GSE1: variants seen among roughly 807,000 people sequenced by gnomAD.
GSE1 encodes Gse1 coiled-coil protein.
In GSE1, 32 loss-of-function variants were observed where a neutral mutation model predicts 112.6. The ratio of observed to expected loss-of-function variants is 0.28; its 90% CI spans 0.21 to 0.38. The LOEUF (loss-of-function observed/expected upper bound fraction) is 0.38. Among genes scored for constraint, GSE1 ranks in the 10% least tolerant of loss-of-function variants. The pLI is 1.00. For synonymous variants in GSE1, 1,115 were observed against 735.6 expected, an observed-to-expected ratio of 1.52 and a Z score of -8.35; for missense variants, 2,348 against 1,699.2, an observed-to-expected ratio of 1.38 and a Z score of -6.71.
chr16:85,484,948 T>C (rs759381317), intron 2 of GSE1, among the ~76,000 whole-genome samples: 12 of 152,168 alleles, frequency 7.9e-5, no homozygotes, highest in Non-Finnish European at 1.6e-4. Flanking sequence ...GAATCTAGCC[T>C]GAGGAACCTG....
chr16:85,334,631 C>A (rs1197774500), intron 1 of GSE1, among the ~76,000 whole-genome samples: 2 of 152,182 alleles, frequency 1.3e-5, no homozygotes, highest in Admixed American at 1.3e-4. Flanking sequence ...TTGTGAGGAG[C>A]CCCTTATTGG....
chr16:85,179,786 A>T (rs571764543), intron 1 of GSE1, among the ~76,000 whole-genome samples: 2 of 152,280 alleles, frequency 1.3e-5, no homozygotes, highest in African/African-American at 4.8e-5. Context: ...AGGGGTTTGC[A>T]TTGGCTCTGG....
At chr16:85,516,951 C>T (rs910273226) in intron 2 of GSE1, among the ~76,000 whole-genome samples, 4 of 152,182 alleles carry the variant, frequency 2.6e-5, no homozygotes, top group African/African-American at 4.8e-5. Flanking sequence ...GCGCCTGTCA[C>T]CACGCCCGGC....
intron 2 of GSE1, among the ~76,000 whole-genome samples, chr16:85,443,982 CTTTT>C (rs67916368): frequency 1.3e-5 from 1 of 77,620 alleles, no homozygotes; most frequent in African/African-American, 5.3e-5. Context: ...CAAGGGGGCG[CTTTT>C]TTTTTTTTTT....
At chr16:85,439,813 C>T (rs1567488270) in intron 2 of GSE1, among the ~76,000 whole-genome samples, 1 of 152,052 alleles carries the variant, frequency 6.6e-6, no homozygotes, top group Non-Finnish European at 1.5e-5. Context: ...TACAGATCCA[C>T]AGGCACAGAT....
intron 1 of GSE1, among the ~76,000 whole-genome samples, chr16:85,570,063 G>T (rs536115237): frequency 6.6e-6 from 1 of 152,198 alleles, no homozygotes; most frequent in South Asian, 2.1e-4. Context: ...GGCTGAACTG[G>T]CCACTTCTTG....
intron 1 of GSE1, among the ~76,000 whole-genome samples, chr16:85,174,876 G>T (rs1487079985): frequency 1.3e-5 from 2 of 152,188 alleles, no homozygotes; most frequent in Non-Finnish European, 2.9e-5. Flanking sequence ...ATTTCCTCAT[G>T]CCAGCCCCCA....
intron 4 of GSE1, 128 bp from the exon 5 acceptor site, chr16:85,654,666 G>A (rs568783227): frequency 3.7e-4 from 276 of 742,718 alleles, no homozygotes; most frequent in Non-Finnish European, 6.1e-4. Flanking sequence ...CCCCGTCCTC[G>A]TTCGGGGTGC....
chr16:85,383,516 C>T (rs1050063881), intron 2 of GSE1, among the ~76,000 whole-genome samples: 8 of 145,490 alleles, frequency 5.5e-5, no homozygotes, highest in East Asian at 2.0e-4. Flanking sequence ...CACACACACA[C>T]GCACACCTGC....
intron 1 of GSE1, among the ~76,000 whole-genome samples, chr16:85,237,091 C>T (rs1023144151): frequency 5.9e-5 from 9 of 152,070 alleles, no homozygotes; most frequent in East Asian, 1.9e-4. Flanking sequence ...TTTGGGAGGC[C>T]GAAGTGGGTG....
chr16:85,620,154 G>A (rs1012024333), intron 1 of GSE1, among the ~76,000 whole-genome samples: 4 of 152,146 alleles, frequency 2.6e-5, no homozygotes, highest in African/African-American at 9.7e-5. Context: ...GGCTTGGTGG[G>A]ATGCGCCTGT....
At chr16:85,186,823 G>A (rs2074712850) in intron 1 of GSE1, among the ~76,000 whole-genome samples, 1 of 152,206 alleles carries the variant, frequency 6.6e-6, no homozygotes, top group African/African-American at 2.4e-5. Flanking sequence ...GTGAAATACA[G>A]TAAGGATGAT....
intron 1 of GSE1, among the ~76,000 whole-genome samples, chr16:85,259,748 T>A (rs1033481104): frequency 6.6e-6 from 1 of 152,216 alleles, no homozygotes; most frequent in Non-Finnish European, 1.5e-5. Context: ...TCTGCTTCCC[T>A]GTTGCTCCTG....
chr16:85,276,583 C>T (rs891956951), intron 1 of GSE1, among the ~76,000 whole-genome samples: 6 of 152,152 alleles, frequency 3.9e-5, no homozygotes, highest in African/African-American at 1.4e-4. Context: ...CAGAAAGGGC[C>T]CGGGTTCGGG....
chr16:85,343,983 C>T (rs903975713), intron 1 of GSE1, among the ~76,000 whole-genome samples: 1 of 152,182 alleles, frequency 6.6e-6, no homozygotes, highest in South Asian at 2.1e-4. Flanking sequence ...CTGGCCATTC[C>T]CCGCGCCTGA....
chr16:85,662,806 C>T (rs55848771), intron 9 of GSE1, 175 bp from the exon 10 acceptor site: 202,063 of 587,100 alleles, frequency 0.34, 38,167 homozygotes, highest in South Asian at 0.45. Context: ...CTGCAAAGCC[C>T]CAGGACTGGG....
intron 1 of GSE1, among the ~76,000 whole-genome samples, chr16:85,179,381 C>T (rs1158907475): frequency 1.3e-5 from 2 of 152,240 alleles, no homozygotes; most frequent in Admixed American, 6.5e-5. Flanking sequence ...GGATGGACCA[C>T]GTTCTGTGTC....
chr16:85,257,489 C>T (rs571249138), intron 1 of GSE1, among the ~76,000 whole-genome samples: 3 of 152,248 alleles, frequency 2.0e-5, no homozygotes, highest in African/African-American at 4.8e-5. Flanking sequence ...GAGCACATAG[C>T]GCGAGGAAGG....
intron 1 of GSE1, among the ~76,000 whole-genome samples, chr16:85,198,377 C>T (rs1349829353): frequency 6.6e-6 from 1 of 152,204 alleles, no homozygotes; most frequent in East Asian, 1.9e-4. Context: ...GTTTTCTAGG[C>T]CCCAGCTGTG....
Sources: gnomAD v4.1 joint callset for allele counts (sites outside exome capture counted in the v4.1 genomes callset) on GRCh38, gnomAD v4.1.1 for gene constraint, MANE v1.5 for transcripts, NCBI Gene and HGNC (gene_info 2026-07-23, HGNC 2026-07-21) for gene names.